CACNA2D3: variants seen among roughly 807,000 people sequenced by gnomAD.
The protein encoded by CACNA2D3 is calcium voltage-gated channel auxiliary subunit alpha2delta 3.
In CACNA2D3, 60 loss-of-function variants were observed where a neutral mutation model predicts 160.6. The ratio of observed to expected loss-of-function variants is 0.37; its 90% CI spans 0.30 to 0.46. The LOEUF is 0.46. Ranked by LOEUF, CACNA2D3 falls within the 20% of genes least tolerant of loss-of-function variation. The probability of loss-of-function intolerance (pLI) is 1.00; values close to 1 mark genes in which losing one functional copy is unlikely to be tolerated. For missense variants in CACNA2D3, 1,205 were observed against 1,365.0 expected, an observed-to-expected ratio of 0.88 and a Z score of 1.85; for synonymous variants, 558 against 492.9, an observed-to-expected ratio of 1.13 and a Z score of -1.75.
chr3:54,654,672 T>C (rs1053787044), intron 11 of CACNA2D3, among the ~76,000 whole-genome samples: 3 of 152,150 alleles, frequency 2.0e-5, no homozygotes, highest in African/African-American at 7.2e-5. Flanking sequence ...CTAAGGTCTC[T>C]GAGCTCACAG....
chr3:54,651,425 G>GA (rs34876732), intron 11 of CACNA2D3, among the ~76,000 whole-genome samples: 63 of 135,026 alleles, frequency 4.7e-4, no homozygotes, highest in East Asian at 6.7e-4. Flanking sequence ...GTTATCTCGA[G>GA]AAAAAAAAAA....
At chr3:54,188,618 T>C (rs1020255514) in intron 2 of CACNA2D3, among the ~76,000 whole-genome samples, 11 of 152,202 alleles carry the variant, frequency 7.2e-5, no homozygotes, top group African/African-American at 2.6e-4. Context: ...TTGGAGCAAA[T>C]GGGAGGCCAT....
chr3:54,264,658 G>T (rs1417632624), intron 2 of CACNA2D3, among the ~76,000 whole-genome samples: 3 of 152,222 alleles, frequency 2.0e-5, no homozygotes, highest in Admixed American at 6.5e-5. Flanking sequence ...AATAGGCTCA[G>T]TGCAGCTGGT....
intron 4 of CACNA2D3, among the ~76,000 whole-genome samples, chr3:54,435,041 A>G (rs1252838407): frequency 6.6e-6 from 1 of 152,100 alleles, no homozygotes; most frequent in African/African-American, 2.4e-5. Context: ...GCTGACATTA[A>G]TCCTATAACC....
At chr3:54,741,108 G>A (rs1701639541) in intron 11 of CACNA2D3, among the ~76,000 whole-genome samples, 1 of 152,126 alleles carries the variant, frequency 6.6e-6, no homozygotes, top group Admixed American at 6.5e-5. Flanking sequence ...TGATCCAGAG[G>A]CAGGGGGAGG....
At chr3:54,496,399 G>A (rs538572944) in intron 4 of CACNA2D3, among the ~76,000 whole-genome samples, 24 of 152,238 alleles carry the variant, frequency 1.6e-4, no homozygotes, top group African/African-American at 5.3e-4. Flanking sequence ...CTTTCCTGAT[G>A]ACTAATGACA....
At chr3:54,400,792 G>A (rs1049665762) in intron 4 of CACNA2D3, among the ~76,000 whole-genome samples, 1 of 152,170 alleles carries the variant, frequency 6.6e-6, no homozygotes, top group African/African-American at 2.4e-5. Flanking sequence ...AGAGGTGATT[G>A]TTTCACCAGA....
chr3:55,054,574 T>G (rs1360846354), intron 35 of CACNA2D3, among the ~76,000 whole-genome samples: 6 of 149,592 alleles, frequency 4.0e-5, no homozygotes, highest in Non-Finnish European at 8.9e-5. Flanking sequence ...AAAGTTTAAT[T>G]AATATATAAA....
intron 2 of CACNA2D3, among the ~76,000 whole-genome samples, chr3:54,224,573 A>G (rs1248829982): frequency 1.3e-5 from 2 of 152,182 alleles, no homozygotes; most frequent in Admixed American, 6.5e-5. Flanking sequence ...ACCGTCGTAT[A>G]TGCCATTTGT....
intron 2 of CACNA2D3, among the ~76,000 whole-genome samples, chr3:54,266,396 C>T (rs774314998): frequency 3.9e-5 from 6 of 152,148 alleles, no homozygotes; most frequent in Non-Finnish European, 1.5e-5. Context: ...CATTTAAGAA[C>T]TCTGATTTTC....
At chr3:54,681,553 T>A (rs1253127709) in intron 11 of CACNA2D3, among the ~76,000 whole-genome samples, 1 of 132,054 alleles carries the variant, frequency 7.6e-6, no homozygotes, top group Non-Finnish European at 1.6e-5. Flanking sequence ...TGAGACTCCA[T>A]CTCAAAAAAA....
intron 11 of CACNA2D3, among the ~76,000 whole-genome samples, chr3:54,714,327 A>G (rs1248063204): frequency 6.6e-6 from 1 of 152,172 alleles, no homozygotes; most frequent in Non-Finnish European, 1.5e-5. Context: ...AAGCTCTTTC[A>G]TTTATGGAGC....
chr3:54,752,402 A>G (rs895733870), intron 11 of CACNA2D3, among the ~76,000 whole-genome samples, 197 bp from the exon 12 acceptor site: 3 of 152,134 alleles, frequency 2.0e-5, no homozygotes, highest in Non-Finnish European at 1.5e-5. Context: ...CCAGTGCCAT[A>G]TGGTTTAAAA....
intron 9 of CACNA2D3, among the ~76,000 whole-genome samples, chr3:54,606,723 T>C (rs1698633719): frequency 6.6e-6 from 1 of 152,166 alleles, no homozygotes; most frequent in Admixed American, 6.5e-5. Context: ...AATGTAGCCC[T>C]GTGCGCACAC....
chr3:54,869,346 A>C (rs1699473970), intron 17 of CACNA2D3, among the ~76,000 whole-genome samples: 1 of 152,268 alleles, frequency 6.6e-6, no homozygotes, highest in Non-Finnish European at 1.5e-5. Flanking sequence ...TATGGGCAAT[A>C]AATTGACCTT....
intron 3 of CACNA2D3, among the ~76,000 whole-genome samples, chr3:54,324,789 C>G (rs773098041): frequency 2.0e-5 from 3 of 152,140 alleles, no homozygotes; most frequent in Non-Finnish European, 4.4e-5. Flanking sequence ...AGTTCATTAA[C>G]ATTTCAAGGG....
chr3:54,311,751 T>C (rs908484430), intron 2 of CACNA2D3, among the ~76,000 whole-genome samples: 3 of 152,208 alleles, frequency 2.0e-5, no homozygotes, highest in African/African-American at 7.2e-5. Context: ...CCACATGTGT[T>C]TGTCAACACA....
At chr3:54,858,848 A>G (rs545053893) in intron 17 of CACNA2D3, among the ~76,000 whole-genome samples, 18 of 152,352 alleles carry the variant, frequency 1.2e-4, no homozygotes, top group East Asian at 1.9e-4. Flanking sequence ...GAAGAATTCA[A>G]TCATTTGAAT....
intron 27 of CACNA2D3, chr3:54,966,866 T>C (rs1280779035): frequency 6.6e-6 from 1 of 152,226 alleles, no homozygotes; most frequent in African/African-American, 2.4e-5. Flanking sequence ...CTCTTCTATA[T>C]TTCTCTCTAA....
Sources: allele counts gnomAD v4.1 joint callset (sites outside exome capture counted in the v4.1 genomes callset), GRCh38; gene constraint gnomAD v4.1.1; transcripts MANE v1.5; gene names NCBI Gene and HGNC (gene_info 2026-07-23, HGNC 2026-07-21).